Variants in PTPRD observed in about 807,000 individuals in gnomAD.
PTPRD encodes protein tyrosine phosphatase receptor type D.
Under a neutral mutation model 214.5 loss-of-function variants are expected in PTPRD, and 34 were observed. The ratio of observed to expected loss-of-function variants is 0.16; its 90% CI spans 0.12 to 0.21. PTPRD has a LOEUF of 0.21. Among genes scored for constraint, PTPRD ranks in the 10% least tolerant of loss-of-function variants. The probability of loss-of-function intolerance (pLI) is 1.00; values close to 1 mark genes in which losing one functional copy is unlikely to be tolerated. For missense variants in PTPRD, 2,545 were observed against 2,398.7 expected (o/e 1.06, Z -1.27); for synonymous variants, 1,128 against 845.7 (o/e 1.33, Z -5.79).
chr9:10,010,614 A>G (rs977004543), intron 4 of PTPRD, among the ~76,000 whole-genome samples: 2 of 151,810 alleles, frequency 1.3e-5, no homozygotes, highest in African/African-American at 4.8e-5. Context: ...AACTCAGTTA[A>G]TGGTGGCTGG....
intron 10 of PTPRD, among the ~76,000 whole-genome samples, chr9:9,089,381 G>A (rs537556904): frequency 6.6e-6 from 1 of 152,190 alleles, no homozygotes; most frequent in African/African-American, 2.4e-5. Context: ...TATGGGCACA[G>A]TGCTCAAATA....
chr9:9,147,562 A>G (rs2154485591), intron 10 of PTPRD, among the ~76,000 whole-genome samples: 1 of 152,288 alleles, frequency 6.6e-6, no homozygotes, highest in East Asian at 1.9e-4. Flanking sequence ...TAAAAATTAT[A>G]TGAAATTCAA....
At chr9:9,460,445 C>T (rs1264248774) in intron 8 of PTPRD, among the ~76,000 whole-genome samples, 1 of 151,984 alleles carries the variant, frequency 6.6e-6, no homozygotes, top group Non-Finnish European at 1.5e-5. Flanking sequence ...CAAAAAAGAA[C>T]TAACATCCAG....
chr9:10,107,353 A>T (rs924447124), intron 3 of PTPRD, among the ~76,000 whole-genome samples: 1 of 152,040 alleles, frequency 6.6e-6, no homozygotes, highest in Admixed American at 6.6e-5. Flanking sequence ...TAATCAAATC[A>T]GGGTATGGAA....
chr9:10,409,440 T>A (rs1401739338), intron 2 of PTPRD, among the ~76,000 whole-genome samples: 1 of 151,726 alleles, frequency 6.6e-6, no homozygotes, highest in Non-Finnish European at 1.5e-5. Flanking sequence ...ATCACATCAC[T>A]CAATTTGTCA....
At chr9:8,892,228 G>C (rs1387791107) in intron 11 of PTPRD, among the ~76,000 whole-genome samples, 2 of 152,070 alleles carry the variant, frequency 1.3e-5, no homozygotes, top group South Asian at 4.1e-4. Flanking sequence ...GACCAGTGTA[G>C]AACTCCTTGG....
chr9:9,257,933 T>G (rs1384650976), intron 9 of PTPRD, among the ~76,000 whole-genome samples: 1 of 151,972 alleles, frequency 6.6e-6, no homozygotes, highest in Non-Finnish European at 1.5e-5. Flanking sequence ...TCACATACAA[T>G]GCTATTAAAG....
Position 8,960,212 on chromosome 9 carries a change from C to G in PTPRD, c.-104+58485G>C, listed in dbSNP as rs116110120. Among the ~76,000 whole-genome samples, 586 of 152,112 alleles carry G rather than the reference C, an allele frequency of 3.9e-3. 5 individuals carry two copies. Among genetic ancestry groups the G allele is most frequent in the African/African-American group, 0.013 (557 of 41,542 alleles). ...AGGTCATGAGTTTTGTCGTCAGGAA[C>G]AGATAAGGTAGTACTTATTGAATAC... On this transcript the variant is annotated intron_variant, in intron 11 of 45. Coordinates refer to ENST00000381196, the MANE Select transcript of PTPRD (RefSeq NM_002839.4).
chr9:10,241,245 T>C (rs929496147), intron 3 of PTPRD, among the ~76,000 whole-genome samples: 2 of 151,972 alleles, frequency 1.3e-5, no homozygotes, highest in Admixed American at 1.3e-4. Context: ...CATATGCTAC[T>C]AGTGGGAATG....
chr9:8,961,489 G>A (rs115766826), intron 11 of PTPRD, among the ~76,000 whole-genome samples: 5 of 152,018 alleles, frequency 3.3e-5, no homozygotes, highest in African/African-American at 7.2e-5. Flanking sequence ...CCTTGCACCC[G>A]CAAATATCAC....
chr9:8,558,100 A>G (rs1403448199), intron 14 of PTPRD, among the ~76,000 whole-genome samples: 4 of 152,146 alleles, frequency 2.6e-5, no homozygotes, highest in Non-Finnish European at 5.9e-5. Flanking sequence ...GTGTCAGACA[A>G]TTTTTAAAAA....
At chr9:10,352,309 C>G (rs1052801930) in intron 2 of PTPRD, among the ~76,000 whole-genome samples, 1 of 151,988 alleles carries the variant, frequency 6.6e-6, no homozygotes, top group Non-Finnish European at 1.5e-5. Flanking sequence ...CTTGTTTCAT[C>G]GCTAGAAGTA....
In PTPRD at chr9:9,775,280, C is replaced by G. The variant is rs147470488; in HGVS notation, c.-367-8429G>C. ...TAACACAGACATATCACCATTAATACTTGAGTTAAAATATTTCTCTGAAGC... is the reference window on the plus strand; with the variant it reads ...TAACACAGACATATCACCATTAATAGTTGAGTTAAAATATTTCTCTGAAGC... On this transcript the variant is annotated intron_variant, in intron 5 of 45. Transcript: ENST00000381196. Among the ~76,000 whole-genome samples, 569 of 152,236 alleles carry G rather than the reference C, an allele frequency of 3.7e-3. 2 individuals are homozygous for G. The highest frequency in any genetic ancestry group is 0.013 in the African/African-American group (541 of 41,534).
chr9:8,578,098 T>G (rs2092659773), intron 14 of PTPRD, among the ~76,000 whole-genome samples: 1 of 152,204 alleles, frequency 6.6e-6, no homozygotes, highest in African/African-American at 2.4e-5. Flanking sequence ...CAGATACAGA[T>G]TCTTAGCATG....
intron 11 of PTPRD, among the ~76,000 whole-genome samples, chr9:8,912,168 G>T (rs1016993690): frequency 3.3e-5 from 5 of 152,092 alleles, no homozygotes; most frequent in South Asian, 2.1e-4. Context: ...TTACCCAAGA[G>T]AAATAAAAAT....
chr9:10,344,007 T>TTTTTTTG (rs1253555165), intron 2 of PTPRD, among the ~76,000 whole-genome samples: 4 of 139,428 alleles, frequency 2.9e-5, no homozygotes, highest in Non-Finnish European at 6.2e-5. Flanking sequence ...TTTTTTTTTT[T>TTTTTTTG]GCTGTGCAGA....
chr9:10,188,755 A>C (rs987896195), intron 3 of PTPRD, among the ~76,000 whole-genome samples: 4 of 152,214 alleles, frequency 2.6e-5, no homozygotes, highest in Admixed American at 2.0e-4. Context: ...CACCAGAAGC[A>C]AATAGGTTGA....
intron 9 of PTPRD, among the ~76,000 whole-genome samples, chr9:9,291,904 A>ATC (rs1420662685): frequency 6.6e-6 from 1 of 150,578 alleles, no homozygotes; most frequent in Non-Finnish European, 1.5e-5. Context: ...ATATATATAT[A>ATC]TATCTCAAAT....
At chr9:10,134,925 G>A (rs1451773732) in intron 3 of PTPRD, among the ~76,000 whole-genome samples, 1 of 152,102 alleles carries the variant, frequency 6.6e-6, no homozygotes, top group East Asian at 1.9e-4. Flanking sequence ...AATCTGGGAG[G>A]CAAGGAAGCT....
Sources: gnomAD v4.1 joint callset for allele counts (sites outside exome capture counted in the v4.1 genomes callset) on GRCh38, gnomAD v4.1.1 for gene constraint, MANE v1.5 for transcripts, NCBI Gene and HGNC (gene_info 2026-07-23, HGNC 2026-07-21) for gene names.